Variants in PBX3 observed in about 807,000 individuals in gnomAD.
PBX3 encodes PBX homeobox 3, also known as pre-B-cell leukemia transcription factor 3.
PBX3 carries 14 observed loss-of-function variants against 48.5 expected under a neutral mutation model. The ratio of observed to expected loss-of-function variants is 0.29; its 90% CI spans 0.19 to 0.45. PBX3 has a LOEUF of 0.45. Ranked by LOEUF, PBX3 falls within the 20% of genes least tolerant of loss-of-function variation. PBX3 has a pLI of 1.00. For synonymous variants in PBX3, 210 were observed against 200.3 expected, an observed-to-expected ratio of 1.05 and a Z score of -0.41; for missense variants, 386 against 546.7, an observed-to-expected ratio of 0.71 and a Z score of 2.93.
At chr9:125,808,271 A>G (rs751593581) in intron 2 of PBX3, among the ~76,000 whole-genome samples, 2 of 152,222 alleles carry the variant, frequency 1.3e-5, no homozygotes, top group Non-Finnish European at 2.9e-5. Flanking sequence ...TGGGACTGAC[A>G]GCATCTAAAA....
intron 2 of PBX3, among the ~76,000 whole-genome samples, chr9:125,823,234 C>T (rs559626060): frequency 2.9e-4 from 44 of 152,262 alleles, no homozygotes; most frequent in African/African-American, 1.0e-3. Context: ...TTGACATTTT[C>T]AAATTTACTT....
intron 2 of PBX3, among the ~76,000 whole-genome samples, chr9:125,780,067 AC>A (rs1437482468): frequency 1.7e-5 from 2 of 118,694 alleles, no homozygotes; most frequent in South Asian, 2.8e-4. Context: ...CAGGGGGCTG[AC>A]CCCCCCACCT....
intron 2 of PBX3, among the ~76,000 whole-genome samples, chr9:125,754,419 A>G (rs549139813): frequency 1.6e-4 from 24 of 152,246 alleles, no homozygotes; most frequent in Middle Eastern, 6.8e-3. Context: ...ACTATGTAGT[A>G]TAAATTGGTA....
At chr9:125,790,551 G>A (rs1837571520) in intron 2 of PBX3, among the ~76,000 whole-genome samples, 1 of 151,374 alleles carries the variant, frequency 6.6e-6, no homozygotes, top group African/African-American at 2.4e-5. Context: ...ACCGTGCCTG[G>A]CCAACTATTT....
intron 2 of PBX3, among the ~76,000 whole-genome samples, chr9:125,809,303 C>T (rs1041288041): frequency 6.6e-6 from 1 of 151,982 alleles, no homozygotes; most frequent in African/African-American, 2.4e-5. Flanking sequence ...AGTGAGTAGG[C>T]AAATTTGTAA....
At chr9:125,899,505 G>A (rs1467595968) in intron 2 of PBX3, among the ~76,000 whole-genome samples, 1 of 146,916 alleles carries the variant, frequency 6.8e-6, no homozygotes, top group Non-Finnish European at 1.5e-5. Context: ...CACAGGCAGG[G>A]GAGGTTATTG....
chr9:125,827,173 A>G (rs1349355007), intron 2 of PBX3, among the ~76,000 whole-genome samples: 2 of 152,206 alleles, frequency 1.3e-5, no homozygotes, highest in South Asian at 2.1e-4. Flanking sequence ...CAGTATATCA[A>G]TGAATGTATT....
chr9:125,833,480 C>T lies in PBX3; in HGVS notation c.275-82206C>T, dbSNP rs377050253. 1.6e-4 allele frequency among the ~76,000 whole-genome samples: 24 copies of T among 150,442 alleles called. 1 individual carries two copies. In the South Asian group the frequency reaches 2.9e-3, roughly 18 times the overall value. ...CTCCAGCCTGGGCCACAGAGGGAGA[C>T]GCTGTCTCAAAAAAAAAAAAATTGT... On this transcript the variant is annotated intron_variant, in intron 2 of 8. Coordinates refer to ENST00000373489, the MANE Select transcript of PBX3 (RefSeq NM_006195.6).
chr9:125,961,876 G>GT (rs1342621309), intron 6 of PBX3, among the ~76,000 whole-genome samples: 2 of 152,126 alleles, frequency 1.3e-5, no homozygotes, highest in Non-Finnish European at 2.9e-5. Flanking sequence ...TTTTGCTTTT[G>GT]TTTTTTAAGT....
intron 2 of PBX3, among the ~76,000 whole-genome samples, chr9:125,777,998 T>C: frequency 6.6e-6 from 1 of 151,514 alleles, no homozygotes; most frequent in Non-Finnish European, 1.5e-5. Context: ...TGTCACTTCG[T>C]TGCCCAGGCT....
rs758622014 is a variant in PBX3 at position 125,759,974 on chromosome 9, G to A, written c.274+11351G>A. Among the ~76,000 whole-genome samples, 7 of 152,168 alleles carry A rather than the reference G, an allele frequency of 4.6e-5. No homozygotes were observed. Among genetic ancestry groups the A allele is most frequent in the Non-Finnish European group, 8.8e-5 (6 of 68,030 alleles). Reference sequence around the variant, plus strand: ...GGGAGCACTGCTGTTGTCAAGTGCCGCTGAGCAGCTCTGCTCCATCAGTTG... The same window carrying A: ...GGGAGCACTGCTGTTGTCAAGTGCCACTGAGCAGCTCTGCTCCATCAGTTG... On this transcript the variant is annotated intron_variant, in intron 2 of 8. Transcript: ENST00000373489. This position sits in a 1 kb window ranked among gnomAD's most constrained non-coding sequence, Gnocchi z 4.2.
chr9:125,800,392 T>C (rs747662462), intron 2 of PBX3, among the ~76,000 whole-genome samples: 3 of 152,232 alleles, frequency 2.0e-5, no homozygotes, highest in Non-Finnish European at 4.4e-5. Flanking sequence ...TTGGGAGTTC[T>C]TACACTGTAA....
chr9:125,907,538 A>G (rs78913804), intron 2 of PBX3, among the ~76,000 whole-genome samples: 269 of 152,146 alleles, frequency 1.8e-3, no homozygotes, highest in African/African-American at 6.2e-3. Context: ...GTCAGGAACT[A>G]TTTTAGGCAT....
At chr9:125,917,596 A>AT (rs141417569) in intron 3 of PBX3, among the ~76,000 whole-genome samples, 9,440 of 151,746 alleles carry the variant, frequency 0.062, 679 homozygotes, top group East Asian at 0.17. Context: ...TTTAATACTG[A>AT]TTTTTTCCCC....
At chr9:125,902,537 G>T (rs1191021061) in intron 2 of PBX3, among the ~76,000 whole-genome samples, 2 of 151,606 alleles carry the variant, frequency 1.3e-5, no homozygotes, top group South Asian at 2.1e-4. Context: ...ATCAGATACA[G>T]ATTTAATTTG....
At chr9:125,931,258 A>T (rs537977220) in intron 4 of PBX3, among the ~76,000 whole-genome samples, 7 of 152,332 alleles carry the variant, frequency 4.6e-5, no homozygotes, top group East Asian at 3.9e-4. Context: ...TATTAATAGC[A>T]TTTTAACAAT....
In PBX3 at chr9:125,915,678, C is replaced by T. The variant is rs1199611423; in HGVS notation, c.275-8C>T. The T allele has an allele frequency of 6.3e-7, 1 of 1,597,924 alleles. No homozygotes were observed. The highest frequency in any genetic ancestry group is 8.5e-7 in the Non-Finnish European group (1 of 1,169,618). On this transcript the variant is annotated splice_region_variant and splice_polypyrimidine_tract_variant and intron_variant, in intron 2 of 8. Transcript: ENST00000373489. ...TCTCTCTCTGTCTCTCTCTCTCTTTCCTTGAAGGTCTCAGCATCAGAGGAG... is the reference window on the plus strand; with the variant it reads ...TCTCTCTCTGTCTCTCTCTCTCTTTTCTTGAAGGTCTCAGCATCAGAGGAG...
chr9:125,844,266 A>G (rs967277167), intron 2 of PBX3, among the ~76,000 whole-genome samples: 2 of 149,960 alleles, frequency 1.3e-5, no homozygotes, highest in Admixed American at 1.3e-4. Context: ...AAGCTCCATA[A>G]GTGACTGTTT....
chr9:125,907,676 T>C (rs1215983095), intron 2 of PBX3, among the ~76,000 whole-genome samples: 1 of 152,126 alleles, frequency 6.6e-6, no homozygotes, highest in Non-Finnish European at 1.5e-5. Context: ...TAGGCTACTC[T>C]GACTCCAAAG....
Sources: allele counts gnomAD v4.1 joint callset (sites outside exome capture counted in the v4.1 genomes callset), GRCh38; gene constraint gnomAD v4.1.1; non-coding constraint Gnocchi (gnomAD v3.1); transcripts MANE v1.5; gene names NCBI Gene and HGNC (gene_info 2026-07-23, HGNC 2026-07-21).